COL9A1: variants seen among roughly 807,000 people sequenced by gnomAD.
COL9A1 encodes collagen type IX alpha 1 chain, also known as collagen alpha-1(IX) chain.
Under a neutral mutation model 142.6 loss-of-function variants are expected in COL9A1, and 104 were observed. The ratio of observed to expected loss-of-function variants is 0.73; its 90% CI spans 0.62 to 0.86. The LOEUF (loss-of-function observed/expected upper bound fraction) is 0.86, where lower values mean the gene tolerates loss of function less well. Ranked by LOEUF, COL9A1 falls within the 40% of genes least tolerant of loss-of-function variation. The pLI is 0.00. For missense variants in COL9A1, 1,210 were observed against 1,176.6 expected (o/e 1.03, Z -0.42); for synonymous variants, 466 against 396.0 (o/e 1.18, Z -2.10).
chr6:70,266,987 A>G (rs1440967341), intron 17 of COL9A1, among the ~76,000 whole-genome samples: 1 of 152,230 alleles, frequency 6.6e-6, no homozygotes, highest in Non-Finnish European at 1.5e-5. Context: ...CTGCTCTAGA[A>G]TAATACACTT....
chr6:70,288,330 C>T (rs1773531697), intron 5 of COL9A1, among the ~76,000 whole-genome samples: 1 of 152,180 alleles, frequency 6.6e-6, no homozygotes, highest in Non-Finnish European at 1.5e-5. Flanking sequence ...CCACCACTAC[C>T]ACCCTGGTCT....
chr6:70,280,726 T>C, intron 10 of COL9A1, 86 bp downstream of exon 10: 2 of 1,466,188 alleles, frequency 1.4e-6, no homozygotes, highest in African/African-American at 1.5e-5. Context: ...TCTTTCTCTC[T>C]CTCCCTCCCC....
chr6:70,251,137 T>A (rs1187408909), intron 28 of COL9A1, among the ~76,000 whole-genome samples: 1 of 152,100 alleles, frequency 6.6e-6, no homozygotes, highest in African/African-American at 2.4e-5. Flanking sequence ...ACATAATTAA[T>A]CCCCACAATT....
At position 70,276,148 on chromosome 6, in the gene COL9A1, C is replaced by G. The variant is rs181178330; in HGVS notation, c.976-1376G>C. On this transcript the variant is annotated intron_variant, in intron 10 of 37. Transcript: ENST00000357250. ...ACAGACTGCCTTTGATTTTCAATAG[C>G]CCTAGTCTAATTACAACACCGTAAT... Among the ~76,000 whole-genome samples, 5 of 152,166 alleles carry G rather than the reference C, an allele frequency of 3.3e-5. No homozygotes were observed. In the South Asian group the frequency reaches 6.2e-4, roughly 19 times the overall value.
chr6:70,296,817 A>G (rs1467203055), intron 4 of COL9A1, among the ~76,000 whole-genome samples: 1 of 152,104 alleles, frequency 6.6e-6, no homozygotes, highest in Non-Finnish European at 1.5e-5. Context: ...TTTGGATTTA[A>G]CCAGATGCTT....
intron 5 of COL9A1, among the ~76,000 whole-genome samples, chr6:70,293,593 T>C (rs1773730050): frequency 6.6e-6 from 1 of 151,172 alleles, no homozygotes; most frequent in African/African-American, 2.4e-5. Context: ...CTCACCACTC[T>C]GAAGATAGTA....
chr6:70,241,907 A>C, intron 30 of COL9A1, 57 bp downstream of exon 30: 2 of 1,455,054 alleles, frequency 1.4e-6, no homozygotes, highest in Non-Finnish European at 1.9e-6. Flanking sequence ...TTGTTTCTCA[A>C]CATGGTAGAA....
chr6:70,257,048 A>ATTTTTTT (rs542296705), intron 20 of COL9A1, among the ~76,000 whole-genome samples: 3 of 105,044 alleles, frequency 2.9e-5, no homozygotes, highest in Non-Finnish European at 5.6e-5. Context: ...CCACTCTGTA[A>ATTTTTTT]TTTTTTTTTT....
At chr6:70,257,179 G>A (rs1356883104) in intron 20 of COL9A1, among the ~76,000 whole-genome samples, 1 of 149,908 alleles carries the variant, frequency 6.7e-6, no homozygotes, top group African/African-American at 2.5e-5. Flanking sequence ...TCCTGCTTCA[G>A]CCTCCTGAGT....
At chr6:70,301,172 G>C (rs1222954271) in intron 2 of COL9A1, among the ~76,000 whole-genome samples, 2 of 152,222 alleles carry the variant, frequency 1.3e-5, no homozygotes, top group Non-Finnish European at 2.9e-5. Context: ...AAAGGGAAGA[G>C]AGATTTTTCA....
At chr6:70,251,737 G>T (rs1017594758) in intron 28 of COL9A1, among the ~76,000 whole-genome samples, 1 of 152,008 alleles carries the variant, frequency 6.6e-6, no homozygotes, top group South Asian at 2.1e-4. Context: ...TCTTTTTTTA[G>T]GTGATGGAAA....
chr6:70,283,268 G>A (rs1773291712), intron 6 of COL9A1: 5 of 1,426,134 alleles, frequency 3.5e-6, no homozygotes, highest in Non-Finnish European at 4.6e-6. Context: ...GAGCTAGGGG[G>A]CAGGGGAGGA....
chr6:70,302,813 C>G (rs1774122525), intron 1 of COL9A1, 98 bp downstream of exon 1: 1 of 1,307,232 alleles, frequency 7.6e-7, no homozygotes, highest in Non-Finnish European at 1.1e-6. Context: ...TGAGGCTCAC[C>G]TACTCTCATC....
At chr6:70,280,214 G>T in intron 10 of COL9A1, 1 of 958,594 alleles carries the variant, frequency 1.0e-6, no homozygotes, top group Non-Finnish European at 1.4e-6. Context: ...ATTTCTGCCA[G>T]TAATGCCAGC....
intron 4 of COL9A1, 48 bp downstream of exon 4, chr6:70,299,995 A>G (rs374397378): frequency 3.1e-5 from 48 of 1,542,140 alleles, no homozygotes; most frequent in Middle Eastern, 1.7e-4. Context: ...ATCCATTTTT[A>G]ATGCATTTGA....
At chr6:70,284,366 G>T (rs184032007) in intron 5 of COL9A1, among the ~76,000 whole-genome samples, 3 of 152,200 alleles carry the variant, frequency 2.0e-5, no homozygotes, top group Non-Finnish European at 4.4e-5. Context: ...GATATTCTCC[G>T]TGGAGTGGTC....
Position 70,303,058 on chromosome 6 carries a change from C to T in COL9A1, c.-134G>A. 3 of 948,066 alleles carry T rather than the reference C, an allele frequency of 3.2e-6. No homozygotes were observed. Among genetic ancestry groups the T allele is most frequent in the African/African-American group, 1.6e-5 (1 of 62,070 alleles). The allele number at this position is 948,066 out of a possible 1,614,324, so 58.7% of individuals were successfully genotyped here. On this transcript the variant is annotated 5_prime_UTR_variant, in exon 1 of 38. Transcript: ENST00000357250. ...CTGGGCCCAGCCTTGGTCCCTCCTG[C>T]CCCCGGTGAGGGCTAAAAGCAAAGG...
chr6:70,270,419 G>C (rs1423971796), intron 14 of COL9A1, 52 bp from the exon 15 acceptor site: 1 of 1,544,898 alleles, frequency 6.5e-7, no homozygotes, highest in South Asian at 1.1e-5. Context: ...TCAAAACACA[G>C]TACATAAAAC....
intron 37 of COL9A1, among the ~76,000 whole-genome samples, chr6:70,217,986 CA>C (rs1004717718): frequency 6.6e-6 from 1 of 151,916 alleles, no homozygotes; most frequent in Non-Finnish European, 1.5e-5. Context: ...ACTAAAAATA[CA>C]AAAAAATTAG....
Sources: allele counts gnomAD v4.1 joint callset (sites outside exome capture counted in the v4.1 genomes callset), GRCh38; gene constraint gnomAD v4.1.1; transcripts MANE v1.5; gene names NCBI Gene and HGNC (gene_info 2026-07-23, HGNC 2026-07-21).